NXPE2: variants seen among roughly 807,000 people sequenced by gnomAD.
NXPE2 encodes neurexophilin and PC-esterase domain family member 2.
A neutral mutation model predicts 34.4 loss-of-function variants in NXPE2; 34 were observed. The observed-to-expected ratio is 0.99, with a 90% CI of 0.75 to 1.31. The LOEUF is 1.31. NXPE2 is among the 40% of genes most tolerant of loss of function. The pLI is 0.00. For synonymous variants in NXPE2, 235 were observed against 231.3 expected (o/e 1.02, Z -0.15); for missense variants, 649 against 672.5 (o/e 0.97, Z 0.39).
At chr11:114,645,708 C>T in the NXPE2 span, among the ~76,000 whole-genome samples, 1 of 152,078 alleles carries the variant, frequency 6.6e-6, no homozygotes, top group East Asian at 1.9e-4. Flanking sequence ...GAAGAAAAGA[C>T]ATGAATAAAG....
chr11:114,759,117 G>C, the NXPE2 span, among the ~76,000 whole-genome samples: 11 of 151,962 alleles, frequency 7.2e-5, no homozygotes, highest in Admixed American at 3.3e-4. Context: ...CTCTCTCTCT[G>C]TCTCTTTCTC....
At chr11:114,810,524 A>G in the NXPE2 span, among the ~76,000 whole-genome samples, 1 of 152,056 alleles carries the variant, frequency 6.6e-6, no homozygotes. Context: ...AAGAGTGGGC[A>G]AAGGATATGA....
chr11:114,614,184 G>T, the NXPE2 span, among the ~76,000 whole-genome samples: 1 of 147,872 alleles, frequency 6.8e-6, no homozygotes, highest in Non-Finnish European at 1.5e-5. Flanking sequence ...TAATAAGAGG[G>T]ATATTATCCA....
At chr11:114,811,985 C>T in the NXPE2 span, among the ~76,000 whole-genome samples, 1 of 152,096 alleles carries the variant, frequency 6.6e-6, no homozygotes, top group African/African-American at 2.4e-5. Context: ...ACATAGCAGA[C>T]ACTCAAAAAA....
At chr11:114,602,739 TAAA>T in the NXPE2 span, among the ~76,000 whole-genome samples, 1 of 144,308 alleles carries the variant, frequency 6.9e-6, no homozygotes, top group Non-Finnish European at 1.5e-5. Context: ...CATATATAAT[TAAA>T]GAATCATATA....
At chr11:114,547,753 T>A in the NXPE2 span, among the ~76,000 whole-genome samples, 1 of 151,972 alleles carries the variant, frequency 6.6e-6, no homozygotes, top group African/African-American at 2.4e-5. Flanking sequence ...AAAGAAATGA[T>A]GTAACATGGC....
the NXPE2 span, among the ~76,000 whole-genome samples, chr11:114,769,972 A>G: frequency 6.6e-6 from 1 of 152,200 alleles, no homozygotes; most frequent in African/African-American, 2.4e-5. Flanking sequence ...TTGAAAAGAA[A>G]GACAAAAAGA....
the NXPE2 span, chr11:114,582,789 G>A: frequency 1.4e-4 from 223 of 1,614,160 alleles, no homozygotes; most frequent in South Asian, 7.2e-4. Flanking sequence ...CCTGCAGTAC[G>A]TATCTCGAGG....
At chr11:114,646,181 A>T in the NXPE2 span, among the ~76,000 whole-genome samples, 1 of 152,044 alleles carries the variant, frequency 6.6e-6, no homozygotes, top group Non-Finnish European at 1.5e-5. Flanking sequence ...TCTTAAACTA[A>T]CTATGTCTAA....
At chr11:114,688,592 T>A (rs2135544608) in intron 2 of NXPE2, among the ~76,000 whole-genome samples, 1 of 152,236 alleles carries the variant, frequency 6.6e-6, no homozygotes, top group East Asian at 1.9e-4. Context: ...AGAATGATAC[T>A]GGTTTTGTAG....
the NXPE2 span, chr11:114,529,448 G>C: frequency 1.3e-5 from 2 of 152,208 alleles, no homozygotes; most frequent in South Asian, 4.1e-4. Flanking sequence ...TGGATAACAG[G>C]GAAACCAGGA....
chr11:114,690,931 C>A (rs774369795), intron 2 of NXPE2, among the ~76,000 whole-genome samples: 1 of 151,890 alleles, frequency 6.6e-6, no homozygotes, highest in Non-Finnish European at 1.5e-5. Context: ...TCCAGAAGTT[C>A]TTTTTGATTC....
the NXPE2 span, among the ~76,000 whole-genome samples, chr11:114,524,080 T>G: frequency 6.6e-6 from 1 of 152,252 alleles, no homozygotes; most frequent in African/African-American, 2.4e-5. Context: ...TTTAATCTCA[T>G]GGTCTAACTT....
chr11:114,621,439 A>G, the NXPE2 span, among the ~76,000 whole-genome samples: 1 of 151,858 alleles, frequency 6.6e-6, no homozygotes, highest in Non-Finnish European at 1.5e-5. Context: ...CCTCTAAGGT[A>G]ATCACTGTTA....
chr11:114,555,133 G>C, the NXPE2 span, among the ~76,000 whole-genome samples: 3 of 150,826 alleles, frequency 2.0e-5, no homozygotes, highest in South Asian at 6.3e-4. Flanking sequence ...TACTGTTGCT[G>C]TCTGGTATAG....
At chr11:114,631,042 G>T in the NXPE2 span, among the ~76,000 whole-genome samples, 1 of 151,752 alleles carries the variant, frequency 6.6e-6, no homozygotes, top group African/African-American at 2.4e-5. Flanking sequence ...TGGAGAGGAT[G>T]TGGAGAAATA....
At chr11:114,737,021 A>G in the NXPE2 span, among the ~76,000 whole-genome samples, 1 of 152,146 alleles carries the variant, frequency 6.6e-6, no homozygotes, top group Non-Finnish European at 1.5e-5. Context: ...TTTGCAAGGT[A>G]TTGATTTACC....
chr11:114,698,550 G>C lies in NXPE2; in HGVS notation c.638G>C (p.Arg213Thr). The C allele has an allele frequency of 6.2e-7, 1 of 1,614,142 alleles. No homozygotes were observed. The highest frequency in any genetic ancestry group is 8.5e-7 in the Non-Finnish European group (1 of 1,180,000). The change falls in exon 3 of 6, where the codon AGG becomes ACG. Residue 213 changes from arginine to threonine, a missense_variant. Arg to Thr is a moderately conservative substitution (Grantham distance 71). Transcript: ENST00000389586. ...AGGGCAAGGAACCAAGGATGTGATA[G>C]GATCATCTTCACTGGCCTGTTTGCC... ...LWRARNQGCD[R>T]IIFTGLFANR...
chr11:114,551,173 G>A, the NXPE2 span: 5 of 1,534,904 alleles, frequency 3.3e-6, no homozygotes, highest in East Asian at 2.4e-5. Flanking sequence ...GATCAGCAGC[G>A]TTTTTTGAAG....
Sources: allele counts gnomAD v4.1 joint callset (sites outside exome capture counted in the v4.1 genomes callset), GRCh38; gene constraint gnomAD v4.1.1; transcripts MANE v1.5; gene names NCBI Gene and HGNC (gene_info 2026-07-23, HGNC 2026-07-21).